Variants in ADGRG7 observed in about 807,000 individuals in gnomAD.
The protein encoded by ADGRG7 is G-protein coupled receptor 128.
A neutral mutation model predicts 88.6 loss-of-function variants in ADGRG7; 82 were observed. The ratio of observed to expected loss-of-function variants is 0.93; its 90% confidence interval spans 0.77 to 1.11. ADGRG7 has a LOEUF of 1.11. Ranked by LOEUF, ADGRG7 falls within the 50% of genes most tolerant of loss-of-function variation. The probability of loss-of-function intolerance (pLI) is 0.00; values close to 1 mark genes in which losing one functional copy is unlikely to be tolerated. For synonymous variants in ADGRG7, 381 were observed against 345.2 expected (o/e 1.10, Z -1.15); for missense variants, 945 against 953.4 (o/e 0.99, Z 0.12).
chr3:100,654,887 A>G lies in ADGRG7; in HGVS notation c.1432A>G (p.Met478Val), dbSNP rs1329961508. The G allele has an allele frequency of 1.1e-5, 18 of 1,613,826 alleles. No individual in the cohort carries two copies. The highest frequency in any genetic ancestry group is 3.3e-5 in the Admixed American group (2 of 59,996). The change falls in exon 12 of 16, where the codon ATG becomes GTG. Residue 478 changes from methionine to valine, a missense_variant. Physicochemically the swap from Met to Val is conservative, Grantham distance 21. Coordinates refer to ENST00000273352, the MANE Select transcript of ADGRG7 (RefSeq NM_032787.3). ...TWVLVNLCISMLIFNLLFVFG... is the reference protein window; with the variant it reads ...TWVLVNLCISVLIFNLLFVFG... ...GGTTTTGGTCAATCTGTGCATATCA[A>G]TGTTGATTTTCAACCTCCTCTTTGT...
chr3:100,686,736 T>C (rs530908925), intron 15 of ADGRG7, among the ~76,000 whole-genome samples: 1 of 152,328 alleles, frequency 6.6e-6, no homozygotes, highest in East Asian at 1.9e-4. Context: ...ATGGTCTATA[T>C]CTCTGTTTTG....
intron 6 of ADGRG7, among the ~76,000 whole-genome samples, chr3:100,642,632 T>G (rs1363276131): frequency 2.0e-5 from 3 of 152,210 alleles, no homozygotes; most frequent in Non-Finnish European, 4.4e-5. Flanking sequence ...TCTTATGACT[T>G]TTCTTTGGAG....
intron 14 of ADGRG7, 56 bp from the exon 15 acceptor site, chr3:100,668,893 G>A (rs1453182554): frequency 5.4e-6 from 7 of 1,303,384 alleles, no homozygotes; most frequent in East Asian, 2.4e-5. Context: ...TAATAATGAC[G>A]TTGATAAGTA....
At chr3:100,620,029 A>C (rs1707284959) in intron 1 of ADGRG7, among the ~76,000 whole-genome samples, 1 of 152,212 alleles carries the variant, frequency 6.6e-6, no homozygotes. Context: ...ATCAATAGAA[A>C]AAGAGGGAAT....
At chr3:100,638,168 C>T (rs1707577913) in intron 6 of ADGRG7, among the ~76,000 whole-genome samples, 1 of 152,218 alleles carries the variant, frequency 6.6e-6, no homozygotes, top group Non-Finnish European at 1.5e-5. Context: ...GGCAAAGGGC[C>T]AGCATAACAG....
chr3:100,690,350 T>A (rs1396358402), intron 15 of ADGRG7, among the ~76,000 whole-genome samples: 1 of 152,196 alleles, frequency 6.6e-6, no homozygotes, highest in African/African-American at 2.4e-5. Flanking sequence ...TAGTTTGATC[T>A]TCTGAAGCCT....
chr3:100,643,758 A>C lies in ADGRG7; in HGVS notation c.946+125A>C, dbSNP rs1576322087. On this transcript the variant is annotated intron_variant, in intron 8 of 15. Coordinates refer to ENST00000273352, the MANE Select transcript of ADGRG7 (RefSeq NM_032787.3). ...ATACTGAGTAATTTGCATTTGAGTAAGTTTGAGCTCTGACATATTATGGTA... is the reference window on the plus strand; with the variant it reads ...ATACTGAGTAATTTGCATTTGAGTACGTTTGAGCTCTGACATATTATGGTA... The C allele has an allele frequency of 9.6e-6, 6 of 624,650 alleles. No individual in the cohort carries two copies. In the South Asian group the frequency reaches 1.3e-4, roughly 13 times the overall value. 38.7% of individuals were successfully genotyped at this position (624,650 alleles called of 1,614,324 possible).
At chr3:100,645,884 TA>T in intron 8 of ADGRG7, 60 bp from the exon 9 acceptor site, 1 of 1,415,956 alleles carries the variant, frequency 7.1e-7, no homozygotes, top group Non-Finnish European at 9.8e-7. Context: ...TAACGTGACA[TA>T]TTGTTTTTTG....
At chr3:100,637,624 A>T in intron 6 of ADGRG7, 1 of 487,266 alleles carries the variant, frequency 2.1e-6, no homozygotes, top group Admixed American at 3.6e-5. Context: ...ATGGCCTGGG[A>T]GATAGGGAGT....
At chr3:100,629,307 A>G (rs1182718975) in intron 1 of ADGRG7, among the ~76,000 whole-genome samples, 2 of 151,408 alleles carry the variant, frequency 1.3e-5, no homozygotes, top group African/African-American at 4.9e-5. Flanking sequence ...CTATCTATCT[A>G]TCTACTTACC....
At chr3:100,686,552 A>G (rs2094983024) in intron 15 of ADGRG7, among the ~76,000 whole-genome samples, 1 of 152,214 alleles carries the variant, frequency 6.6e-6, no homozygotes, top group Non-Finnish European at 1.5e-5. Flanking sequence ...TAATTTTTGT[A>G]TAAGGTATAA....
rs533125118 is a variant in ADGRG7, at chr3:100,613,759, A to G, written c.115+3788A>G. The stretch of plus-strand genomic sequence containing the variant: ...CAAGGTATTAGATATTTTTACTCGA[A>G]ATTCTGGATACTTGCTGTTCTTTGA... On this transcript the variant is annotated intron_variant, in intron 1 of 15. Coordinates refer to ENST00000273352, the MANE Select transcript of ADGRG7 (RefSeq NM_032787.3). Among the ~76,000 whole-genome samples, 163 of 152,274 alleles carry G rather than the reference A, an allele frequency of 1.1e-3. 2 individuals carry two copies. Among genetic ancestry groups the G allele is most frequent in the African/African-American group, 3.8e-3 (158 of 41,558 alleles).
At chr3:100,669,427 C>G (rs957417494) in intron 15 of ADGRG7, among the ~76,000 whole-genome samples, 1 of 149,886 alleles carries the variant, frequency 6.7e-6, no homozygotes, top group Non-Finnish European at 1.5e-5. Flanking sequence ...CTCCTGTAGT[C>G]TCCTGCTGAG....
chr3:100,635,929 T>C (rs1707533232), intron 5 of ADGRG7, 103 bp downstream of exon 5: 2 of 858,506 alleles, frequency 2.3e-6, no homozygotes, highest in Non-Finnish European at 3.5e-6. Context: ...TTCCACAATA[T>C]GGTTTGAGCA....
chr3:100,640,763 C>T (rs894530236), intron 6 of ADGRG7, among the ~76,000 whole-genome samples: 1 of 152,160 alleles, frequency 6.6e-6, no homozygotes, highest in Non-Finnish European at 1.5e-5. Flanking sequence ...CTCAGGTGAT[C>T]CACCTGCTTT....
intron 6 of ADGRG7, among the ~76,000 whole-genome samples, chr3:100,642,209 T>C (rs918470492): frequency 6.6e-6 from 1 of 152,218 alleles, no homozygotes; most frequent in African/African-American, 2.4e-5. Context: ...TCTACATAGA[T>C]ACTCAACAGA....
In ADGRG7 at chr3:100,655,136, C is replaced by G. The variant is rs780240149; in HGVS notation, c.1681C>G (p.Pro561Ala). ...TTACCTTCTAATAAGGACCATGAAG[C>G]CTCTTCCTCGGCATTTCATTCTTTT... ...LYYLLIRTMK[P>A]LPRHFILFIS... The change falls in exon 12 of 16, where the codon CCT becomes GCT. Residue 561 changes from proline (P) to alanine (A), a missense_variant. Physicochemically the swap from Pro to Ala is conservative, Grantham distance 27. Coordinates refer to ENST00000273352, the MANE Select transcript of ADGRG7 (RefSeq NM_032787.3). The G allele has an allele frequency of 1.2e-6, 2 of 1,613,302 alleles. No individual in the cohort carries two copies. Among genetic ancestry groups the G allele is most frequent in the East Asian group, 2.2e-5 (1 of 44,872 alleles).
At chr3:100,643,490 T>C in intron 7 of ADGRG7, 36 bp from the exon 8 acceptor site, 1 of 1,608,874 alleles carries the variant, frequency 6.2e-7, no homozygotes, top group Non-Finnish European at 8.5e-7. Context: ...CATGATAATG[T>C]AGACTTTTAC....
In ADGRG7 at chr3:100,694,935, G is replaced by A; in HGVS notation, c.2328G>A (p.Leu776=). 1.2e-6 allele frequency: 2 copies of A among 1,614,120 alleles called. No individual in the cohort carries two copies. The highest frequency in any genetic ancestry group is 1.7e-6 in the Non-Finnish European group (2 of 1,180,020). The part of the protein sequence containing the change: ...LPTLHERFRL[L]ETSPSTEEIT... The stretch of plus-strand genomic sequence containing the variant: ...CCTTACATGAACGCTTTAGGCTACT[G>A]GAAACCTCTCCGAGTACTGAGGAAA... The change falls in exon 16 of 16, where the codon CTG becomes CTA. Residue 776 remains leucine (L), a synonymous_variant. Transcript: ENST00000273352.
Sources: allele counts gnomAD v4.1 joint callset (sites outside exome capture counted in the v4.1 genomes callset), GRCh38; gene constraint gnomAD v4.1.1; transcripts MANE v1.5; gene names NCBI Gene and HGNC (gene_info 2026-07-23, HGNC 2026-07-21).